Variants in AFAP1L1 observed in about 807,000 individuals in gnomAD.
AFAP1L1 encodes the protein actin filament-associated protein 1-like 1.
AFAP1L1 carries 77 observed loss-of-function variants against 99.8 expected under a neutral mutation model. The observed-to-expected ratio is 0.77, with a 90% CI of 0.64 to 0.93. The LOEUF (loss-of-function observed/expected upper bound fraction) is 0.93, where lower values mean the gene tolerates loss of function less well. Ranked by LOEUF, AFAP1L1 falls within the 40% of genes least tolerant of loss-of-function variation. The pLI is 0.00. For missense variants in AFAP1L1, 893 were observed against 996.8 expected, an observed-to-expected ratio of 0.90 and a Z score of 1.40; for synonymous variants, 373 against 395.3, an observed-to-expected ratio of 0.94 and a Z score of 0.67.
At position 149,319,713 on chromosome 5, in the gene AFAP1L1, G is replaced by C. The variant is rs770727252; in HGVS notation, c.1611G>C (p.Gly537=). 3 of 1,611,924 alleles carry C rather than the reference G, an allele frequency of 1.9e-6. No homozygotes were observed. Among genetic ancestry groups the C allele is most frequent in the African/African-American group, 2.7e-5 (2 of 74,858 alleles). The change falls in exon 13 of 19, where the codon GGG becomes GGC. Residue 537 remains glycine, a synonymous_variant. Transcript: ENST00000296721. ...CCTTAACCAGCATCGTCAGTGCTGG[G>C]CGCAACTCCTTCCTGTAAGTGTCAG... The part of the protein sequence containing the change: ...VETLTSIVSA[G]RNSFLYARSC...
chr5:149,340,654 T>G lies in AFAP1L1; in HGVS notation c.*624T>G, dbSNP rs1385595566. 6.6e-6 allele frequency: 1 copy of G among 152,532 alleles called. No homozygotes were observed. Among genetic ancestry groups the G allele is most frequent in the Non-Finnish European group, 1.5e-5 (1 of 68,062 alleles). 9.4% of individuals were successfully genotyped at this position (152,532 alleles called of 1,614,324 possible). A position where few individuals can be genotyped will look rare whatever the true frequency, so the allele number is the denominator to read the frequency against. On this transcript the variant is annotated 3_prime_UTR_variant, in exon 19 of 19. Coordinates refer to ENST00000296721, the MANE Select transcript of AFAP1L1 (RefSeq NM_152406.4). ...TAGACAGAGTGCAGCTACTGGAATCTTCCAGATTTCAGTGTTTTAAAATCA... is the reference window on the plus strand; with the variant it reads ...TAGACAGAGTGCAGCTACTGGAATCGTCCAGATTTCAGTGTTTTAAAATCA...
At chr5:149,311,342 TAA>T (rs1283887908) in intron 8 of AFAP1L1, among the ~76,000 whole-genome samples, 2 of 152,140 alleles carry the variant, frequency 1.3e-5, no homozygotes, top group Non-Finnish European at 2.9e-5. Flanking sequence ...AGACTGGAGT[TAA>T]AAGAGACTTG....
chr5:149,273,762 C>T (rs1321235259), intron 1 of AFAP1L1, among the ~76,000 whole-genome samples: 3 of 151,722 alleles, frequency 2.0e-5, no homozygotes, highest in African/African-American at 7.3e-5. Context: ...CCACCATCCC[C>T]CCTCCCCTTC....
intron 18 of AFAP1L1, among the ~76,000 whole-genome samples, chr5:149,337,842 C>G (rs1757448790): frequency 6.6e-6 from 1 of 152,052 alleles, no homozygotes; most frequent in Admixed American, 6.6e-5. Context: ...TCAGAGAGGG[C>G]CTCTCCTAGC....
intron 1 of AFAP1L1, among the ~76,000 whole-genome samples, 160 bp from the exon 2 acceptor site, chr5:149,299,349 G>A (rs1021058671): frequency 3.3e-5 from 5 of 152,156 alleles, no homozygotes; most frequent in Non-Finnish European, 7.3e-5. Flanking sequence ...CGGGAGCTGC[G>A]TGGCAGGTCT....
intron 2 of AFAP1L1, 65 bp downstream of exon 2, chr5:149,299,702 T>G: frequency 6.2e-7 from 1 of 1,605,822 alleles, no homozygotes; most frequent in Non-Finnish European, 8.5e-7. Flanking sequence ...CTCCCTTCAC[T>G]GACTCAAGAA....
At chr5:149,291,164 A>G (rs1755841176) in intron 1 of AFAP1L1, among the ~76,000 whole-genome samples, 1 of 152,146 alleles carries the variant, frequency 6.6e-6, no homozygotes, top group Non-Finnish European at 1.5e-5. Context: ...TCTGATAGGC[A>G]AAAAGAACAG....
At chr5:149,300,210 G>A in intron 2 of AFAP1L1, 61 bp from the exon 3 acceptor site, 1 of 1,267,272 alleles carries the variant, frequency 7.9e-7, no homozygotes, top group Non-Finnish European at 1.1e-6. Flanking sequence ...AGTATGAGTG[G>A]GACGGGGGAG....
Position 149,315,877 on chromosome 5 carries a change from C to G in AFAP1L1, c.1077C>G (p.Asn359Lys). The G allele has an allele frequency of 6.2e-7, 1 of 1,614,200 alleles. No individual in the cohort carries two copies. ...SDSDSVGVGD[N>K]CSTLGRRETC... ...CTGACAGCGTGGGTGTGGGTGACAACTGTTCTACCCTTGGCCGCCGGGAGA... is the reference window on the plus strand; with the variant it reads ...CTGACAGCGTGGGTGTGGGTGACAAGTGTTCTACCCTTGGCCGCCGGGAGA... The change falls in exon 10 of 19, where the codon AAC becomes AAG. Residue 359 changes from asparagine to lysine, a missense_variant. Coordinates refer to ENST00000296721, the MANE Select transcript of AFAP1L1 (RefSeq NM_152406.4).
intron 16 of AFAP1L1, among the ~76,000 whole-genome samples, chr5:149,331,202 C>T (rs1471099497): frequency 6.6e-6 from 1 of 151,898 alleles, no homozygotes; most frequent in African/African-American, 2.4e-5. Flanking sequence ...TTTGGGAAGC[C>T]GAGGCAGGAG....
At position 149,271,888 on chromosome 5, in the gene AFAP1L1, G is replaced by T; in HGVS notation, c.-81G>T. The T allele has an allele frequency of 9.1e-7, 1 of 1,099,208 alleles. No homozygotes were observed. The highest frequency in any genetic ancestry group is 4.5e-5 in the South Asian group (1 of 22,218). The allele number at this position is 1,099,208 out of a possible 1,614,324, so 68.1% of individuals were successfully genotyped here. ...AGCGCCGGCCGCTGGGCTGGCCTGAGAGCGCAGCGCGCCGGCCGCTACCAG... is the reference window on the plus strand; with the variant it reads ...AGCGCCGGCCGCTGGGCTGGCCTGATAGCGCAGCGCGCCGGCCGCTACCAG... On this transcript the variant is annotated 5_prime_UTR_variant, in exon 1 of 19. Transcript: ENST00000296721.
intron 11 of AFAP1L1, 68 bp from the exon 12 acceptor site, chr5:149,317,661 G>A (rs1756833632): frequency 6.4e-7 from 1 of 1,553,092 alleles, no homozygotes; most frequent in South Asian, 1.2e-5. Context: ...CAGACACATG[G>A]AGCCGCCTTG....
intron 1 of AFAP1L1, among the ~76,000 whole-genome samples, chr5:149,297,036 A>T (rs1264746422): frequency 1.3e-5 from 2 of 152,182 alleles, no homozygotes; most frequent in Admixed American, 1.3e-4. Context: ...CTCCCATGAT[A>T]CGTGGGGATT....
intron 1 of AFAP1L1, among the ~76,000 whole-genome samples, chr5:149,294,928 T>C (rs1755971078): frequency 6.6e-6 from 1 of 152,236 alleles, no homozygotes; most frequent in African/African-American, 2.4e-5. Context: ...AGCCTGACTT[T>C]ACTGCTTACT....
At position 149,329,745 on chromosome 5, in the gene AFAP1L1, G is replaced by A. The variant is rs1424669119; in HGVS notation, c.1890G>A (p.Glu630=). ...RRYLVEKEKL[E]KEKETIRTEL... ...ACTTGGTAGAAAAAGAGAAGCTGGAGAAAGAGAAAGAGACGATTCGGACAG... is the reference window on the plus strand; with the variant it reads ...ACTTGGTAGAAAAAGAGAAGCTGGAAAAAGAGAAAGAGACGATTCGGACAG... Residue 630 remains glutamate, a synonymous_variant, in exon 16 of 19, where the codon GAG becomes GAA. Coordinates refer to ENST00000296721, the MANE Select transcript of AFAP1L1 (RefSeq NM_152406.4). 1 of 1,614,108 alleles carries A rather than the reference G, an allele frequency of 6.2e-7. No individual in the cohort carries two copies. The highest frequency in any genetic ancestry group is 1.1e-5 in the South Asian group (1 of 91,060).
intron 1 of AFAP1L1, among the ~76,000 whole-genome samples, chr5:149,278,733 C>T (rs1349977158): frequency 6.6e-6 from 1 of 152,198 alleles, no homozygotes; most frequent in Non-Finnish European, 1.5e-5. Flanking sequence ...CAGTGCCTGG[C>T]CCATAGTAGG....
rs11325171 is a variant in AFAP1L1 at position 149,342,909 on chromosome 5, CAA to C, written c.*2891_*2892del. ...CCTGGGCAATAGCAAGACTCCATCT[CAA>C]AAAAAAAAAAATGCCTTATTTGGTT... On this transcript the variant is annotated 3_prime_UTR_variant, in exon 19 of 19. Coordinates refer to ENST00000296721, the MANE Select transcript of AFAP1L1 (RefSeq NM_152406.4). Among the ~76,000 whole-genome samples the C allele has an allele frequency of 4.0e-4, 59 of 145,806 alleles. No homozygotes were observed. Among genetic ancestry groups the C allele is most frequent in the East Asian group, 1.0e-3 (5 of 4,904 alleles).
intron 15 of AFAP1L1, among the ~76,000 whole-genome samples, chr5:149,326,243 C>T (rs1200478482): frequency 2.0e-5 from 3 of 152,148 alleles, no homozygotes; most frequent in African/African-American, 7.2e-5. Flanking sequence ...AAAGAGACAG[C>T]TAAAATTGCC....
Position 149,319,637 on chromosome 5 carries a change from G to T in AFAP1L1, c.1535G>T (p.Gly512Val), listed in dbSNP as rs755246902. 1 of 1,613,216 alleles carries T rather than the reference G, an allele frequency of 6.2e-7. No homozygotes were observed. The highest frequency in any genetic ancestry group is 8.5e-7 in the Non-Finnish European group (1 of 1,179,968). ...RWLGLLLVEM[G>V]SRVTPEALHY... ...CTCGGGCTGCTGCTGGTGGAGATGG[G>T]CTCCAGAGTCACTCCGGAGGCGCTG... is the stretch of plus-strand genomic sequence containing the variant. The change falls in exon 13 of 19, where the codon GGC becomes GTC. Residue 512 changes from glycine to valine, a missense_variant. By Grantham distance (109) the Gly-to-Val change is moderately radical (BLOSUM62 -3). Coordinates refer to ENST00000296721, the MANE Select transcript of AFAP1L1 (RefSeq NM_152406.4).
Sources: allele counts gnomAD v4.1 joint callset (sites outside exome capture counted in the v4.1 genomes callset), GRCh38; gene constraint gnomAD v4.1.1; transcripts MANE v1.5; gene names NCBI Gene and HGNC (gene_info 2026-07-23, HGNC 2026-07-21).